The following KPNA7 variants were observed in gnomAD, a reference collection of about 807,000 sequenced individuals.
The protein encoded by KPNA7 is importin subunit alpha-8.
Under a neutral mutation model 53.7 loss-of-function variants are expected in KPNA7, and 54 were observed. That is an observed-to-expected ratio of 1.01 (90% CI 0.81 to 1.26). KPNA7 has a LOEUF of 1.26. Among genes scored for constraint, KPNA7 ranks in the 50% most tolerant of loss-of-function variants. The pLI is 0.00. For synonymous variants in KPNA7, 276 were observed against 259.3 expected, an observed-to-expected ratio of 1.06 and a Z score of -0.62; for missense variants, 640 against 644.5, an observed-to-expected ratio of 0.99 and a Z score of 0.07.
chr7:99,179,645 C>G (rs1364929475), intron 9 of KPNA7, among the ~76,000 whole-genome samples: 1 of 151,890 alleles, frequency 6.6e-6, no homozygotes, highest in Non-Finnish European at 1.5e-5. Context: ...AGTGCAGTGG[C>G]ATGATCTTGG....
At chr7:99,190,747 A>G (rs1789906327) in intron 6 of KPNA7, among the ~76,000 whole-genome samples, 1 of 150,838 alleles carries the variant, frequency 6.6e-6, no homozygotes, top group Admixed American at 6.6e-5. Context: ...CCTCAAACTC[A>G]AGCGATCCTC....
At chr7:99,179,951 C>A (rs1799090128) in intron 9 of KPNA7, among the ~76,000 whole-genome samples, 1 of 152,154 alleles carries the variant, frequency 6.6e-6, no homozygotes, top group Non-Finnish European at 1.5e-5. Context: ...TGATCCCTGA[C>A]CCCCGGTGCT....
rs1284660132 is a variant in KPNA7 at position 99,173,705 on chromosome 7, TG to T, written c.*2del. The T allele has an allele frequency of 8.4e-6, 13 of 1,545,088 alleles. No individual in the cohort carries two copies. The highest frequency in any genetic ancestry group is 1.4e-5 in the African/African-American group (1 of 72,900). ...TTGTTGGTTTAGGAGGTAGGGAGCTTGGCTATTTTTTTGCTAAGCATTCATA... is the reference window on the plus strand; with the variant it reads ...TTGTTGGTTTAGGAGGTAGGGAGCTTGCTATTTTTTTGCTAAGCATTCATA... On this transcript the variant is annotated 3_prime_UTR_variant, in exon 11 of 11. Transcript: ENST00000327442.
At chr7:99,149,077 G>A in the KPNA7 span, among the ~76,000 whole-genome samples, 2 of 151,810 alleles carry the variant, frequency 1.3e-5, no homozygotes, top group East Asian at 3.9e-4. Flanking sequence ...TGTATTTTTA[G>A]TAGTTAGTGG....
intron 1 of KPNA7, among the ~76,000 whole-genome samples, chr7:99,216,381 C>A (rs1372530695): frequency 6.6e-6 from 1 of 152,068 alleles, no homozygotes; most frequent in Non-Finnish European, 1.5e-5. Flanking sequence ...CCAAGAAAGC[C>A]GAACTAGTGA....
intron 8 of KPNA7, 59 bp from the exon 9 acceptor site, chr7:99,182,124 C>T (rs1308989501): frequency 1.1e-5 from 15 of 1,309,140 alleles, no homozygotes; most frequent in Non-Finnish European, 1.4e-5. Flanking sequence ...ATAGAGGACA[C>T]CAACTTGGTT....
At chr7:99,199,895 T>C (rs753913585) in intron 3 of KPNA7, among the ~76,000 whole-genome samples, 1 of 152,102 alleles carries the variant, frequency 6.6e-6, no homozygotes, top group Non-Finnish European at 1.5e-5. Flanking sequence ...ATAATTTATT[T>C]GACTTAAAAA....
At chr7:99,149,850 G>A in the KPNA7 span, among the ~76,000 whole-genome samples, 1 of 152,144 alleles carries the variant, frequency 6.6e-6, no homozygotes, top group Non-Finnish European at 1.5e-5. Flanking sequence ...ATAGCAGCAC[G>A]ATCTCGGCTC....
At chr7:99,165,225 C>T in the KPNA7 span, among the ~76,000 whole-genome samples, 2 of 151,606 alleles carry the variant, frequency 1.3e-5, no homozygotes, top group African/African-American at 2.4e-5. Context: ...AGTCACCTAG[C>T]AGATGTCTAC....
At chr7:99,147,972 G>A in the KPNA7 span, among the ~76,000 whole-genome samples, 1 of 150,888 alleles carries the variant, frequency 6.6e-6, no homozygotes, top group Non-Finnish European at 1.5e-5. Context: ...AGCTATGATT[G>A]TGCCACTGCA....
At chr7:99,165,900 G>GGGTGGGGCCTGGTAGGA in the KPNA7 span, among the ~76,000 whole-genome samples, 1 of 152,128 alleles carries the variant, frequency 6.6e-6, no homozygotes, top group Non-Finnish European at 1.5e-5. Flanking sequence ...CCAACGTTGG[G>GGGTGGGGCCTGGTAGGA]GGTGGGGCCT....
intron 8 of KPNA7, among the ~76,000 whole-genome samples, chr7:99,183,575 G>A (rs1256179270): frequency 6.6e-6 from 1 of 152,194 alleles, no homozygotes; most frequent in South Asian, 2.1e-4. Context: ...TATAATTTGG[G>A]CAACACACCT....
chr7:99,167,336 C>T, the KPNA7 span, among the ~76,000 whole-genome samples: 1 of 152,180 alleles, frequency 6.6e-6, no homozygotes, highest in African/African-American at 2.4e-5. Context: ...ACCGGGCCAC[C>T]CAGCAGGAGG....
chr7:99,196,087 G>A lies in KPNA7; in HGVS notation c.281C>T (p.Ala94Val). 6.4e-7 allele frequency: 1 copy of A among 1,551,302 alleles called. No homozygotes were observed. The highest frequency in any genetic ancestry group is 2.4e-5 in the East Asian group (1 of 40,912). Residue 94 changes from alanine (A) to valine (V), a missense_variant, in exon 4 of 11, where the codon GCC (alanine) becomes GTC (valine). Transcript: ENST00000327442. ...PVLCFQATQT[A>V]RKMLSQEKNP... ...GCAGAAGTCTGTTTGGAGATACCTG[G>A]CTGTCTGGGTGGCCTGGAAACATAG...
intron 3 of KPNA7, among the ~76,000 whole-genome samples, chr7:99,200,361 C>T (rs991151863): frequency 6.6e-6 from 1 of 152,038 alleles, no homozygotes; most frequent in Non-Finnish European, 1.5e-5. Context: ...TCACATTGCT[C>T]TTCTTATAAG....
chr7:99,169,566 G>A (rs568888655), downstream of KPNA7, among the ~76,000 whole-genome samples: 2 of 152,068 alleles, frequency 1.3e-5, no homozygotes, highest in African/African-American at 4.8e-5. Context: ...GCAGTGAGCT[G>A]AGATTGCACC....
chr7:99,199,159 A>G (rs1292722780), intron 3 of KPNA7, among the ~76,000 whole-genome samples: 3 of 151,736 alleles, frequency 2.0e-5, no homozygotes, highest in Non-Finnish European at 4.4e-5. Context: ...GCAATACTCC[A>G]ACCTTATAAA....
At chr7:99,210,367 T>C (rs1009746789), upstream of KPNA7, among the ~76,000 whole-genome samples, 2 of 152,182 alleles carry the variant, frequency 1.3e-5, no homozygotes, top group Non-Finnish European at 2.9e-5. Flanking sequence ...ATTTTCTTGT[T>C]TGTCCAACTT....
At chr7:99,206,347 A>G (rs764236504) in intron 2 of KPNA7, among the ~76,000 whole-genome samples, 3 of 152,142 alleles carry the variant, frequency 2.0e-5, no homozygotes, top group Non-Finnish European at 2.9e-5. Flanking sequence ...TTCTTAGTAC[A>G]GACAGGGTTT....
Sources: allele counts gnomAD v4.1 joint callset (sites outside exome capture counted in the v4.1 genomes callset), GRCh38; gene constraint gnomAD v4.1.1; transcripts MANE v1.5; gene names NCBI Gene and HGNC (gene_info 2026-07-23, HGNC 2026-07-21).